The following NPHP3 variants were observed in gnomAD, a reference collection of about 807,000 sequenced individuals.
NPHP3 encodes nephrocystin 3.
A neutral mutation model predicts 171.9 loss-of-function variants in NPHP3; 123 were observed. That is an observed-to-expected ratio of 0.72 (90% CI 0.62 to 0.83). NPHP3 has a LOEUF of 0.83. NPHP3 is among the 40% of genes least tolerant of loss of function. NPHP3 has a pLI of 0.00. For synonymous variants in NPHP3, 558 were observed against 579.2 expected (o/e 0.96, Z 0.52); for missense variants, 1,506 against 1,591.9 (o/e 0.95, Z 0.92).
intron 1 of NPHP3, among the ~76,000 whole-genome samples, chr3:132,720,625 T>C (rs942102828): frequency 1.3e-5 from 2 of 152,020 alleles, no homozygotes; most frequent in African/African-American, 4.8e-5. Flanking sequence ...ACGACAATAA[T>C]TACACAACAG....
chr3:132,699,409 T>C lies in NPHP3; in HGVS notation c.1929A>G (p.Pro643=). The change falls in exon 13 of 27, where the codon CCA becomes CCG. Residue 643 remains proline, a synonymous_variant. Coordinates refer to ENST00000337331, the MANE Select transcript of NPHP3 (RefSeq NM_153240.5). ...CAGAAACAATTACTCTTACATTCAC[T>C]GGCAGTGGATCTATCAGCCATTTCA... The part of the protein sequence containing the change: ...KHMKWLIDPL[P]VNVRVIVSVN... 6.2e-7 allele frequency: 1 copy of C among 1,612,606 alleles called. No individual in the cohort carries two copies. Among genetic ancestry groups the C allele is most frequent in the Non-Finnish European group, 8.5e-7 (1 of 1,179,850 alleles).
chr3:132,709,146 A>G (rs1939836349), intron 6 of NPHP3, among the ~76,000 whole-genome samples: 1 of 152,130 alleles, frequency 6.6e-6, no homozygotes, highest in Non-Finnish European at 1.5e-5. Context: ...GGTAAAAAAA[A>G]TCCCAAAAAA....
intron 18 of NPHP3, 60 bp from the exon 19 acceptor site, chr3:132,690,710 G>A (rs2107969580): frequency 1.3e-6 from 2 of 1,561,010 alleles, no homozygotes; most frequent in South Asian, 1.1e-5. Context: ...CTTCAAAAAG[G>A]CTTCAGGCAA....
At chr3:132,720,643 G>A (rs1390165208) in intron 1 of NPHP3, among the ~76,000 whole-genome samples, 1 of 152,042 alleles carries the variant, frequency 6.6e-6, no homozygotes, top group Non-Finnish European at 1.5e-5. Flanking sequence ...CAGCTAATGA[G>A]GGAGTTTAAA....
At position 132,685,907 on chromosome 3, in the gene NPHP3, C is replaced by T. The variant is rs143558547; in HGVS notation, c.3329+353G>A. Reference sequence around the variant, plus strand: ...TCTACTAAAAATGCAAAAAATTAGTCGGGCGTGGTGGCATGCGCCTGTAGT... The same window carrying T: ...TCTACTAAAAATGCAAAAAATTAGTTGGGCGTGGTGGCATGCGCCTGTAGT... On this transcript the variant is annotated intron_variant, in intron 23 of 26. Transcript: ENST00000337331. 274 of 266,376 alleles carry T rather than the reference C, an allele frequency of 1.0e-3. 4 individuals carry two copies. The East Asian group carries it at 0.02, about 19-fold the overall frequency. The allele number at this position is 266,376 out of a possible 1,614,324, so 16.5% of individuals were successfully genotyped here.
At chr3:132,695,004 G>T (rs1410038915) in intron 15 of NPHP3, 39 bp from the exon 16 acceptor site, 1 of 1,607,306 alleles carries the variant, frequency 6.2e-7, no homozygotes, top group South Asian at 1.1e-5. Flanking sequence ...CTTACAGATT[G>T]CCAACATCTG....
At chr3:132,686,759 C>T (rs2107965470) in intron 22 of NPHP3, among the ~76,000 whole-genome samples, 1 of 152,280 alleles carries the variant, frequency 6.6e-6, no homozygotes, top group Admixed American at 6.5e-5. Flanking sequence ...AAATATGCTA[C>T]ATTTAGATTT....
intron 9 of NPHP3, 77 bp from the exon 10 acceptor site, chr3:132,701,610 C>G (rs1360753753): frequency 6.5e-6 from 6 of 927,994 alleles, no homozygotes; most frequent in Non-Finnish European, 1.0e-5. Flanking sequence ...TCTGATTATT[C>G]TTTGAAAATA....
intron 23 of NPHP3, 121 bp downstream of exon 23, chr3:132,686,139 T>C: frequency 2.0e-6 from 2 of 1,004,154 alleles, no homozygotes; most frequent in Non-Finnish European, 3.1e-6. Flanking sequence ...ACATCATACA[T>C]GAAATTTTGC....
At chr3:132,719,479 G>A (rs1249356135) in intron 2 of NPHP3, among the ~76,000 whole-genome samples, 2 of 151,686 alleles carry the variant, frequency 1.3e-5, no homozygotes, top group Non-Finnish European at 1.5e-5. Flanking sequence ...CCTTTTTTTC[G>A]AAATTACTAT....
At chr3:132,697,874 T>C (rs1404917375) in intron 13 of NPHP3, among the ~76,000 whole-genome samples, 1 of 152,124 alleles carries the variant, frequency 6.6e-6, no homozygotes, top group Non-Finnish European at 1.5e-5. Context: ...AATATGTGTG[T>C]GGTATTAAAA....
intron 1 of NPHP3, 24 bp downstream of exon 1, chr3:132,721,939 C>A (rs766292339): frequency 1.9e-6 from 3 of 1,610,170 alleles, no homozygotes; most frequent in Non-Finnish European, 2.5e-6. Context: ...GGTCTCCCGG[C>A]GTCGCGGCCC....
intron 8 of NPHP3, 35 bp downstream of exon 8, chr3:132,705,705 T>C: frequency 9.2e-7 from 1 of 1,082,382 alleles, no homozygotes; most frequent in Non-Finnish European, 1.4e-6. Flanking sequence ...TCTTAAAATA[T>C]TTTAGATGAA....
intron 7 of NPHP3, among the ~76,000 whole-genome samples, chr3:132,707,428 G>A (rs1055079802): frequency 6.6e-6 from 1 of 151,710 alleles, no homozygotes; most frequent in East Asian, 1.9e-4. Context: ...ATATGAACAA[G>A]CTACCACACT....
At chr3:132,691,853 G>C (rs138896964) in intron 17 of NPHP3, among the ~76,000 whole-genome samples, 1 of 152,114 alleles carries the variant, frequency 6.6e-6, no homozygotes, top group African/African-American at 2.4e-5. Context: ...GCCAAAGTCC[G>C]CCTGGGGCTT....
At position 132,682,824 on chromosome 3, in the gene NPHP3, T is replaced by TA. The variant is rs564013823; in HGVS notation, c.3697-7dup. ...AAAGCTTCAACGTGTTTTTTCTTAT[T>TA]AAAAAAAATGATAATGCTCATGCAC... On this transcript the variant is annotated splice_polypyrimidine_tract_variant and splice_region_variant and intron_variant, in intron 25 of 26. Coordinates refer to ENST00000337331, the MANE Select transcript of NPHP3 (RefSeq NM_153240.5). 26 of 1,557,778 alleles carry TA rather than the reference T, an allele frequency of 1.7e-5. No homozygotes were observed. Among genetic ancestry groups the TA allele is most frequent in the East Asian group, 2.2e-5 (1 of 44,524 alleles).
chr3:132,688,018 A>G (rs576972243), intron 21 of NPHP3, among the ~76,000 whole-genome samples: 8 of 152,282 alleles, frequency 5.3e-5, no homozygotes, highest in African/African-American at 1.9e-4. Context: ...CCTATGGGCA[A>G]TGGTTTGCTG....
rs746796646 is a variant in NPHP3, at chr3:132,704,379, C to G, written c.1351-8G>C. 14 of 1,613,942 alleles carry G rather than the reference C, an allele frequency of 8.7e-6. No individual in the cohort carries two copies. The highest frequency in any genetic ancestry group is 1.2e-5 in the Non-Finnish European group (14 of 1,179,980). Reference sequence around the variant, plus strand: ...CTCAAAACCCAGTATGTCCTAAACACAAAGAACAACCACACAAAAATGAAT... The same window carrying G: ...CTCAAAACCCAGTATGTCCTAAACAGAAAGAACAACCACACAAAAATGAAT... On this transcript the variant is annotated splice_polypyrimidine_tract_variant and splice_region_variant and intron_variant, in intron 8 of 26. Coordinates refer to ENST00000337331, the MANE Select transcript of NPHP3 (RefSeq NM_153240.5).
Position 132,696,783 on chromosome 3 carries a change from C to T in NPHP3, c.2119G>A (p.Ala707Thr). 2 of 1,614,102 alleles carry T rather than the reference C, an allele frequency of 1.2e-6. No individual in the cohort carries two copies. The highest frequency in any genetic ancestry group is 1.7e-6 in the Non-Finnish European group (2 of 1,179,990). ...EKKLERHCRS[A>T]TTCNALYVTL... The stretch of plus-strand genomic sequence containing the variant: ...ACATAAAGGGCATTGCAGGTTGTAG[C>T]AGAACGACAGTGTCGTTCTAGCTTC... Residue 707 changes from alanine (A) to threonine (T), a missense_variant, in exon 15 of 27, where the codon GCT (alanine) becomes ACT (threonine). Ala to Thr is a moderately conservative substitution (Grantham distance 58, BLOSUM62 0). This residue lies in a region of NPHP3 where 930 missense variants were observed against 924.9 expected (regional missense o/e 1.01). Coordinates refer to ENST00000337331, the MANE Select transcript of NPHP3 (RefSeq NM_153240.5).
Sources: gnomAD v4.1 joint callset for allele counts (sites outside exome capture counted in the v4.1 genomes callset) on GRCh38, gnomAD v4.1.1 for gene constraint, gnomAD v4.1.1 regional missense constraint, MANE v1.5 for transcripts, NCBI Gene and HGNC (gene_info 2026-07-23, HGNC 2026-07-21) for gene names.